The following RASA4B variants were observed in gnomAD, a reference collection of about 807,000 sequenced individuals.
RASA4B encodes ras GTPase-activating protein 4B.
In RASA4B, 2 loss-of-function variants were observed where a neutral mutation model predicts 24.2. The ratio of observed to expected loss-of-function variants is 0.08; its 90% CI spans 0.03 to 0.26. The LOEUF (loss-of-function observed/expected upper bound fraction) is 0.26, where lower values mean the gene tolerates loss of function less well. Among genes scored for constraint, RASA4B ranks in the 10% least tolerant of loss-of-function variants. The probability of loss-of-function intolerance (pLI) is 1.00; values close to 1 mark genes in which losing one functional copy is unlikely to be tolerated. For synonymous variants in RASA4B, 2 were observed against 125.6 expected, an observed-to-expected ratio of 0.02 and a Z score of 6.58; for missense variants, 8 against 277.2, an observed-to-expected ratio of 0.03 and a Z score of 6.90.
chr7:102,491,721 C>T (rs76869716), intron 16 of RASA4B, among the ~76,000 whole-genome samples: 5,196 of 74,316 alleles, frequency 0.07, 19 homozygotes, highest in East Asian at 0.13. Flanking sequence ...GAGCCAAGAT[C>T]GCACCATTGC....
Position 102,489,780 on chromosome 7 carries a change from C to G in RASA4B, c.1969-1182G>C, listed in dbSNP as rs1334809379. On this transcript the variant is annotated intron_variant, in intron 17 of 20. Coordinates refer to ENST00000465829, the MANE Select transcript of RASA4B (RefSeq NM_001367767.2). ...CCCTTCAAGTCACTATCACAATTTG[C>G]TTTTTTTTTTTTTTTTTTTTTTTAA... 8.5e-3 allele frequency among the ~76,000 whole-genome samples: 939 copies of G among 110,506 alleles called. 36 individuals carry two copies. The highest frequency in any genetic ancestry group is 0.07 in the East Asian group (176 of 2,528). The allele number at this position is 110,506 out of a possible 152,430, so 72.5% of individuals were successfully genotyped here.
In RASA4B at chr7:102,517,655, GC is replaced by G; in HGVS notation, c.55del (p.Ala19ProfsTer14). The G allele has an allele frequency of 1.5e-6, 1 of 675,152 alleles. No individual in the cohort carries two copies. Among genetic ancestry groups the G allele is most frequent in the Non-Finnish European group, 2.0e-6 (1 of 511,294 alleles). 41.8% of individuals were successfully genotyped at this position (675,152 alleles called of 1,614,324 possible). A position where few individuals can be genotyped will look rare whatever the true frequency, so the allele number is the denominator to read the frequency against. On this transcript the variant is annotated frameshift_variant, in exon 1 of 21. Transcript: ENST00000465829. LOFTEE classifies it high-confidence loss of function. Reference protein sequence around the residue: ...IRIVEGKNLPAKDITGSSDPY... With the variant: ...IRIVEGKNLPXKDITGSSDPY... ...CCCCGGCCGCGCTCACATGTCCTTG[GC>G]GGGAAGGTTCTTCCCCTCCACGATG...
At chr7:102,484,799 G>C (rs1798652276) in intron 19 of RASA4B, among the ~76,000 whole-genome samples, 2 of 148,502 alleles carry the variant, frequency 1.3e-5, no homozygotes, top group African/African-American at 4.9e-5. Context: ...TACTCCAAGG[G>C]CCCAGGGGAA....
intron 17 of RASA4B, among the ~76,000 whole-genome samples, chr7:102,489,972 T>A (rs28510701): frequency 0.022 from 1,944 of 90,400 alleles, 1 homozygote; most frequent in African/African-American, 0.071. Context: ...TTTGTAGAGA[T>A]GGGGTCTTGC....
rs532522587 is a variant in RASA4B, at chr7:102,481,101, C to T, written c.*2491G>A. Among the ~76,000 whole-genome samples, 1 of 98,960 alleles carries T rather than the reference C, an allele frequency of 1.0e-5. No individual in the cohort carries two copies. Among genetic ancestry groups the T allele is most frequent in the African/African-American group, 2.9e-5 (1 of 34,062 alleles). 64.9% of individuals were successfully genotyped at this position (98,960 alleles called of 152,430 possible). A position where few individuals can be genotyped will look rare whatever the true frequency, so the allele number is the denominator to read the frequency against. On this transcript the variant is annotated 3_prime_UTR_variant, in exon 21 of 21. Transcript: ENST00000465829. ...ATTGTAGTAAAATAGGTATAACATA[C>T]AATTTGCCATTTTAACCATTTTAAG...
intron 16 of RASA4B, among the ~76,000 whole-genome samples, chr7:102,492,677 T>G (rs1586765902): frequency 6.9e-6 from 1 of 144,808 alleles, no homozygotes; most frequent in African/African-American, 2.4e-5. Flanking sequence ...ATTTTTTTTT[T>G]TTTTTGAGAC....
At chr7:102,506,241 C>G (rs1199699131) in intron 5 of RASA4B, among the ~76,000 whole-genome samples, 1 of 152,198 alleles carries the variant, frequency 6.6e-6, no homozygotes, top group Non-Finnish European at 1.5e-5. Flanking sequence ...CCCAGACCCT[C>G]TCTTTTTTCT....
chr7:102,504,115 CTT>C (rs776617466), intron 5 of RASA4B, among the ~76,000 whole-genome samples: 2 of 135,756 alleles, frequency 1.5e-5, no homozygotes, highest in Non-Finnish European at 1.6e-5. Context: ...TTATTCTTTT[CTT>C]TTTTTTTTTT....
intron 7 of RASA4B, 151 bp downstream of exon 7, chr7:102,500,945 G>C (rs1173674164): frequency 0.011 from 12 of 1,116 alleles, no homozygotes; most frequent in African/African-American, 0.025. Context: ...CGGTGGAGGT[G>C]GGGGGGTAGT....
chr7:102,484,829 G>A (rs1798653300), intron 19 of RASA4B, among the ~76,000 whole-genome samples: 2 of 145,342 alleles, frequency 1.4e-5, no homozygotes, highest in South Asian at 2.2e-4. Context: ...AGGTTGCAAG[G>A]TGGGCTCAGT....
rs1406353975 is a variant in RASA4B at position 102,482,183 on chromosome 7, A to G, written c.*1409T>C. Reference sequence around the variant, plus strand: ...TGGTCCCTGCAGCCGGTCAGCCCCAAGAGCGGGCACAACGTGTGGCCTGGG... The same window carrying G: ...TGGTCCCTGCAGCCGGTCAGCCCCAGGAGCGGGCACAACGTGTGGCCTGGG... On this transcript the variant is annotated 3_prime_UTR_variant, in exon 21 of 21. Transcript: ENST00000465829. Among the ~76,000 whole-genome samples the G allele has an allele frequency of 1.3e-5, 2 of 150,874 alleles. No homozygotes were observed. The highest frequency in any genetic ancestry group is 4.8e-5 in the African/African-American group (2 of 41,268).
intron 1 of RASA4B, among the ~76,000 whole-genome samples, chr7:102,512,981 C>T (rs1191501312): frequency 6.6e-6 from 1 of 152,072 alleles, no homozygotes; most frequent in African/African-American, 2.4e-5. Flanking sequence ...GAATGTTCCT[C>T]CTTTCTATGC....
rs1798581672 is a variant in RASA4B, at chr7:102,480,245, A to G, written c.*3347T>C. On this transcript the variant is annotated 3_prime_UTR_variant, in exon 21 of 21. Coordinates refer to ENST00000465829, the MANE Select transcript of RASA4B (RefSeq NM_001367767.2). ...TGTCAAGGAAAAACACCCGCTACTT[A>G]GCAGACCAGGAAAGGGAGTGTACAG... Among the ~76,000 whole-genome samples, 1 of 152,170 alleles carries G rather than the reference A, an allele frequency of 6.6e-6. No individual in the cohort carries two copies. Among genetic ancestry groups the G allele is most frequent in the African/African-American group, 2.4e-5 (1 of 41,456 alleles).
chr7:102,504,857 C>T (rs1215881047), intron 5 of RASA4B, among the ~76,000 whole-genome samples: 8 of 143,824 alleles, frequency 5.6e-5, no homozygotes, highest in Admixed American at 1.4e-4. Context: ...AAAAATTAGC[C>T]GGGCGTGGTG....
intron 16 of RASA4B, among the ~76,000 whole-genome samples, chr7:102,492,728 G>C (rs1268440300): frequency 3.4e-5 from 3 of 88,296 alleles, no homozygotes; most frequent in Non-Finnish European, 8.7e-5. Flanking sequence ...GCAGTGGCAC[G>C]ATCTCGGCTC....
intron 4 of RASA4B, among the ~76,000 whole-genome samples, chr7:102,507,510 C>CAAAAAAAAA (rs1163660830): frequency 1.0e-5 from 1 of 97,664 alleles, no homozygotes; most frequent in Non-Finnish European, 2.1e-5. Context: ...GACCCCATCT[C>CAAAAAAAAA]AAAAAAAAAA....
intron 14 of RASA4B, among the ~76,000 whole-genome samples, 179 bp from the exon 15 acceptor site, chr7:102,494,148 A>G (rs1236116324): frequency 2.2e-5 from 3 of 134,854 alleles, no homozygotes; most frequent in African/African-American, 7.4e-5. Context: ...GGAGAGGATC[A>G]TGAAGTTTGA....
At chr7:102,502,555 T>TCGA (rs1429109585) in intron 6 of RASA4B, among the ~76,000 whole-genome samples, 2 of 85,702 alleles carry the variant, frequency 2.3e-5, no homozygotes, top group Non-Finnish European at 6.5e-5. Flanking sequence ...GGCCAGGAGT[T>TCGA]CGAGACCAGC....
intron 5 of RASA4B, among the ~76,000 whole-genome samples, chr7:102,504,699 A>C (rs867818864): frequency 3.3e-3 from 195 of 58,816 alleles, no homozygotes; most frequent in Middle Eastern, 0.022. Context: ...AAAAAAACCC[A>C]CCAAAAAAAA....
Sources: allele counts gnomAD v4.1 joint callset (sites outside exome capture counted in the v4.1 genomes callset), GRCh38; gene constraint gnomAD v4.1.1; transcripts MANE v1.5; gene names NCBI Gene and HGNC (gene_info 2026-07-23, HGNC 2026-07-21).